Variants in PVT1 observed in about 807,000 individuals in gnomAD.
PVT1 encodes CXCR4/PVT1 fusion.
At chr8:127,918,648 A>T (rs1339449487) in intron 3 of PVT1, among the ~76,000 whole-genome samples, 1 of 152,182 alleles carries the variant, frequency 6.6e-6, no homozygotes. Flanking sequence ...TAAAGTAAGA[A>T]GGGACACTTT....
Position 128,024,856 on chromosome 8 carries a change from AATTC to A in PVT1, n.912+35581_912+35584del, listed in dbSNP as rs1227295502. ...AGCTGCAGGTGTGCCATCTCTAATC[AATTC>A]ATTCATTCATTCATTTATTTTTATA... On this transcript the variant is annotated intron_variant and non_coding_transcript_variant, in intron 4 of 10. Coordinates refer to ENST00000651587, the Ensembl canonical transcript of PVT1. Among the ~76,000 whole-genome samples the A allele has an allele frequency of 3.3e-5, 5 of 152,104 alleles. No individual in the cohort carries two copies. The South Asian group carries it at 6.2e-4, about 19-fold the overall frequency.
At chr8:128,010,534 C>T (rs1817301118) in intron 4 of PVT1, 1 of 152,162 alleles carries the variant, frequency 6.6e-6, no homozygotes, top group Non-Finnish European at 1.5e-5. Flanking sequence ...GTCTCCAGGA[C>T]CATCTGTGGC....
intron 4 of PVT1, among the ~76,000 whole-genome samples, chr8:128,036,310 G>A (rs1452244748): frequency 6.6e-6 from 1 of 152,216 alleles, no homozygotes; most frequent in African/African-American, 2.4e-5. Flanking sequence ...GCTGTGAAAT[G>A]CACTTGAAGA....
intron 3 of PVT1, among the ~76,000 whole-genome samples, chr8:127,957,129 A>G (rs1271279445): frequency 2.6e-5 from 4 of 152,138 alleles, no homozygotes; most frequent in Non-Finnish European, 5.9e-5. Context: ...GTGGAAGTGT[A>G]GGTTCAGAGA....
chr8:127,800,114 C>T (rs1482426494), intron 2 of PVT1, among the ~76,000 whole-genome samples: 1 of 152,150 alleles, frequency 6.6e-6, no homozygotes, highest in African/African-American at 2.4e-5. Context: ...GTGCAGAGCA[C>T]TTAGCAGAGC....
At chr8:127,962,722 G>A (rs187199792) in intron 3 of PVT1, among the ~76,000 whole-genome samples, 3 of 152,062 alleles carry the variant, frequency 2.0e-5, no homozygotes, top group Non-Finnish European at 1.5e-5. Flanking sequence ...TCAGCCTCCC[G>A]AGTAGCTGGG....
intron 3 of PVT1, among the ~76,000 whole-genome samples, chr8:127,928,130 A>T (rs747185177): frequency 5.9e-5 from 9 of 152,106 alleles, no homozygotes; most frequent in Non-Finnish European, 8.8e-5. Context: ...TTTAGCAAAA[A>T]ACTCTGCTGA....
At chr8:127,844,052 G>A (rs564397809) in intron 2 of PVT1, among the ~76,000 whole-genome samples, 9 of 151,484 alleles carry the variant, frequency 5.9e-5, no homozygotes, top group Non-Finnish European at 1.3e-4. Flanking sequence ...GCGCAATCTC[G>A]GCTCACTGCA....
chr8:127,974,627 GC>G (rs1816802964), intron 3 of PVT1, among the ~76,000 whole-genome samples: 3 of 152,060 alleles, frequency 2.0e-5, no homozygotes, highest in Non-Finnish European at 4.4e-5. Flanking sequence ...TGTTGGCCAG[GC>G]TAGTCTCAAA....
Position 127,843,609 on chromosome 8 carries a change from A to AT in PVT1, n.373-46971dup, listed in dbSNP as rs532647920. On this transcript the variant is annotated intron_variant and non_coding_transcript_variant, in intron 2 of 10. Coordinates refer to ENST00000651587, the Ensembl canonical transcript of PVT1. Reference sequence around the variant, plus strand: ...AGGCGCCCGCCACCACGACCGGCTAATTTTTTTTTGTATTTTTAGTGGAGA... The same window carrying AT: ...AGGCGCCCGCCACCACGACCGGCTAATTTTTTTTTTGTATTTTTAGTGGAGA... Among the ~76,000 whole-genome samples, 1,490 of 149,874 alleles carry AT rather than the reference A, an allele frequency of 9.9e-3. 16 individuals are homozygous for AT. Among genetic ancestry groups the AT allele is most frequent in the Middle Eastern group, 0.021 (6 of 290 alleles).
chr8:127,926,441 C>T (rs1232725111), intron 3 of PVT1, among the ~76,000 whole-genome samples: 1 of 152,164 alleles, frequency 6.6e-6, no homozygotes, highest in South Asian at 2.1e-4. Context: ...GGAGATTAGC[C>T]TTCCTCCAAC....
chr8:128,004,842 T>C (rs183887223), intron 4 of PVT1, among the ~76,000 whole-genome samples: 2 of 152,276 alleles, frequency 1.3e-5, no homozygotes, highest in East Asian at 3.9e-4. Flanking sequence ...ATGAAATTGA[T>C]TATAAAATAC....
chr8:128,038,090 G>C (rs1813486449), intron 4 of PVT1, among the ~76,000 whole-genome samples: 1 of 152,146 alleles, frequency 6.6e-6, no homozygotes, highest in African/African-American at 2.4e-5. Flanking sequence ...TGATATTTTA[G>C]GTGACAACCG....
intron 3 of PVT1, among the ~76,000 whole-genome samples, chr8:127,983,538 C>T (rs1436501660): frequency 6.6e-6 from 1 of 152,110 alleles, no homozygotes; most frequent in Non-Finnish European, 1.5e-5. Flanking sequence ...TGAAGAACTA[C>T]TGCACACCCA....
intron 3 of PVT1, among the ~76,000 whole-genome samples, chr8:127,912,689 C>G (rs377116126): frequency 6.6e-6 from 1 of 151,410 alleles, no homozygotes. Context: ...CATTTTATAT[C>G]TTTCCCTCCC....
At position 127,924,396 on chromosome 8, in the gene PVT1, G is replaced by C. The variant is rs574096409; in HGVS notation, n.782+33398G>C. Among the ~76,000 whole-genome samples, 3 of 152,224 alleles carry C rather than the reference G, an allele frequency of 2.0e-5. No individual in the cohort carries two copies. In the South Asian group the frequency reaches 6.2e-4, roughly 32 times the overall value. On this transcript the variant is annotated intron_variant and non_coding_transcript_variant, in intron 3 of 10. Transcript: ENST00000651587. ...CTGTGACCCAGGCTGGAGTGCAGTGGTGCCATCTTGGCTCACTGCAACCTC... is the reference window on the plus strand; with the variant it reads ...CTGTGACCCAGGCTGGAGTGCAGTGCTGCCATCTTGGCTCACTGCAACCTC...
chr8:128,100,353 G>A (rs1440466568), intron 6 of PVT1, among the ~76,000 whole-genome samples: 2 of 152,190 alleles, frequency 1.3e-5, no homozygotes, highest in African/African-American at 4.8e-5. Context: ...GATGCATCCA[G>A]TGTGGGGCAC....
chr8:127,815,410 T>C (rs1490383410), intron 2 of PVT1, among the ~76,000 whole-genome samples: 1 of 152,136 alleles, frequency 6.6e-6, no homozygotes, highest in African/African-American at 2.4e-5. Flanking sequence ...CACAGACATT[T>C]TAAGAAACTT....
chr8:128,098,321 A>C (rs980786744), intron 6 of PVT1, among the ~76,000 whole-genome samples: 3 of 152,170 alleles, frequency 2.0e-5, no homozygotes, highest in African/African-American at 7.2e-5. Flanking sequence ...CTGAACTTCT[A>C]GGCGGAGCAG....
Sources: allele counts gnomAD v4.1 joint callset (sites outside exome capture counted in the v4.1 genomes callset), GRCh38; gene constraint gnomAD v4.1.1; transcripts MANE v1.5; gene names NCBI Gene and HGNC (gene_info 2026-07-23, HGNC 2026-07-21).